Variants in ZMYND15 observed in about 807,000 individuals in gnomAD.
ZMYND15 encodes zinc finger MYND domain-containing protein 15.
In ZMYND15, 54 loss-of-function variants were observed where a neutral mutation model predicts 81.7. That is an observed-to-expected ratio of 0.66 (90% CI 0.53 to 0.83). The LOEUF (loss-of-function observed/expected upper bound fraction) is 0.83. Ranked by LOEUF, ZMYND15 falls within the 40% of genes least tolerant of loss-of-function variation. The pLI, the probability that ZMYND15 is intolerant of heterozygous loss-of-function variation, is 0.00. For missense variants in ZMYND15, 925 were observed against 973.5 expected (o/e 0.95, Z 0.66); for synonymous variants, 399 against 387.0 (o/e 1.03, Z -0.36).
Position 4,743,593 on chromosome 17 carries a change from A to G in ZMYND15, c.1297+138A>G. The stretch of plus-strand genomic sequence containing the variant: ...ACCAGGGCCATTTCAGGCCTTTCCC[A>G]GCCCTCAATGGAATCACCCCTACCA... On this transcript the variant is annotated intron_variant, in intron 6 of 13. Coordinates refer to ENST00000433935, the MANE Select transcript of ZMYND15 (RefSeq NM_001136046.3). This position sits in a 1 kb window ranked among gnomAD's most constrained non-coding sequence, Gnocchi z 4.3. 1 of 1,378,320 alleles carries G rather than the reference A, an allele frequency of 7.3e-7. No homozygotes were observed. The allele number at this position is 1,378,320 out of a possible 1,614,324, so 85.4% of individuals were successfully genotyped here.
chr17:4,745,460 C>A lies in ZMYND15; in HGVS notation c.2057+85C>A. On this transcript the variant is annotated intron_variant, in intron 13 of 13. Coordinates refer to ENST00000433935, the MANE Select transcript of ZMYND15 (RefSeq NM_001136046.3). This position sits in a 1 kb window ranked among gnomAD's most constrained non-coding sequence, Gnocchi z 5.2. ...ACATCCTCGAAGGCCCACCTCTACC[C>A]TAGTCCCTGCTGTCCTGGGGCCCTC... The A allele has an allele frequency of 2.7e-6, 4 of 1,486,398 alleles. No individual in the cohort carries two copies. The highest frequency in any genetic ancestry group is 1.3e-5 in the South Asian group (1 of 75,206). 92.1% of individuals were successfully genotyped at this position (1,486,398 alleles called of 1,614,324 possible).
chr17:4,740,055 C>T lies in ZMYND15; in HGVS notation c.-31+5C>T, dbSNP rs989458246. Reference sequence around the variant, plus strand: ...GAAAAGTGGTGGCGGCTGCAGGTACCGGAGGAGTGGGGCGGCCGGGAGGGG... The same window carrying T: ...GAAAAGTGGTGGCGGCTGCAGGTACTGGAGGAGTGGGGCGGCCGGGAGGGG... On this transcript the variant is annotated splice_donor_5th_base_variant and intron_variant, in intron 1 of 13. Coordinates refer to ENST00000433935, the MANE Select transcript of ZMYND15 (RefSeq NM_001136046.3). The T allele has an allele frequency of 5.1e-6, 5 of 985,780 alleles. No homozygotes were observed. In the African/African-American group the frequency reaches 8.7e-5, roughly 17 times the overall value. The allele number at this position is 985,780 out of a possible 1,614,324, so 61.1% of individuals were successfully genotyped here. A position where few individuals can be genotyped will look rare whatever the true frequency, so the allele number is the denominator to read the frequency against.
At position 4,744,752 on chromosome 17, in the gene ZMYND15, A is replaced by G. The variant is rs1567699861; in HGVS notation, c.1811A>G (p.Gln604Arg). ...KVSARPYHLFQGPKPDLVIGF... is the reference protein window; with the variant it reads ...KVSARPYHLFRGPKPDLVIGF... The stretch of plus-strand genomic sequence containing the variant: ...TCAGCAAGGCCCTACCACCTGTTCC[A>G]GGGGCCCAAGCCTGACCTGGTTATT... The change falls in exon 11 of 14, where the codon CAG becomes CGG. Residue 604 changes from glutamine to arginine, a missense_variant. Gln to Arg is a conservative substitution (Grantham distance 43). Transcript: ENST00000433935. The surrounding 1 kb of genome is among the most constrained non-coding windows in gnomAD (Gnocchi z 4.1). 2.5e-6 allele frequency: 4 copies of G among 1,614,138 alleles called. No homozygotes were observed. Among genetic ancestry groups the G allele is most frequent in the Non-Finnish European group, 3.4e-6 (4 of 1,180,002 alleles).
chr17:4,740,195 C>G (rs1004592174), intron 1 of ZMYND15, 145 bp downstream of exon 1: 27 of 609,884 alleles, frequency 4.4e-5, no homozygotes, highest in Non-Finnish European at 5.4e-5. Flanking sequence ...AAACCGTTCC[C>G]GATAGGATTA....
In ZMYND15 at chr17:4,744,458, C is replaced by T. The variant is rs536217417; in HGVS notation, c.1674C>T (p.Thr558=). ...CCGAAAGCGACGAGCAGCATTTTAC[C>T]CTGCAGAGGGTGAGGGCTGAGGGGG... is the stretch of plus-strand genomic sequence containing the variant. ...LPPESDEQHF[T]LQRDSLEVSV... The change falls in exon 10 of 14, where the codon ACC becomes ACT. Residue 558 remains threonine (T), a synonymous_variant. Coordinates refer to ENST00000433935, the MANE Select transcript of ZMYND15 (RefSeq NM_001136046.3). This position sits in a 1 kb window ranked among gnomAD's most constrained non-coding sequence, Gnocchi z 4.1. 6.2e-7 allele frequency: 1 copy of T among 1,614,056 alleles called. No homozygotes were observed. The highest frequency in any genetic ancestry group is 2.2e-5 in the East Asian group (1 of 44,878).
At position 4,743,416 on chromosome 17, in the gene ZMYND15, C is replaced by T. The variant is rs769550403; in HGVS notation, c.1258C>T (p.Pro420Ser). 1.1e-5 allele frequency: 17 copies of T among 1,609,374 alleles called. No individual in the cohort carries two copies. Among genetic ancestry groups the T allele is most frequent in the South Asian group, 5.5e-5 (5 of 91,084 alleles). ...LIPGPGFSRH[P>S]RGNTPSLSLL... ...TCCAGGCCCGGGCTTCTCCAGACAC[C>T]CCCGAGGCAACACGCCATCCCTCAG... Residue 420 changes from proline to serine, a missense_variant, in exon 6 of 14, where the codon CCC becomes TCC. Coordinates refer to ENST00000433935, the MANE Select transcript of ZMYND15 (RefSeq NM_001136046.3). The surrounding 1 kb of genome is among the most constrained non-coding windows in gnomAD (Gnocchi z 4.3).
At position 4,743,232 on chromosome 17, in the gene ZMYND15, CTG is replaced by C. The variant is rs1236754927; in HGVS notation, c.1145-69_1145-68del. Reference sequence around the variant, plus strand: ...CTAGCTTGGGTGATAGAGCAAGACTCTGTCTCAAAAAAAAAAAAATGTCTGGG... The same window carrying C: ...CTAGCTTGGGTGATAGAGCAAGACTCTCTCAAAAAAAAAAAAATGTCTGGG... On this transcript the variant is annotated intron_variant, in intron 5 of 13. Coordinates refer to ENST00000433935, the MANE Select transcript of ZMYND15 (RefSeq NM_001136046.3). This position sits in a 1 kb window ranked among gnomAD's most constrained non-coding sequence, Gnocchi z 4.3. The C allele has an allele frequency of 7.0e-7, 1 of 1,427,678 alleles. No individual in the cohort carries two copies. The highest frequency in any genetic ancestry group is 1.5e-5 in the African/African-American group (1 of 67,416). 88.4% of individuals were successfully genotyped at this position (1,427,678 alleles called of 1,614,324 possible).
Position 4,741,578 on chromosome 17 carries a change from C to T in ZMYND15, c.593-4C>T. 6.2e-7 allele frequency: 1 copy of T among 1,613,898 alleles called. No individual in the cohort carries two copies. The highest frequency in any genetic ancestry group is 1.6e-4 in the Middle Eastern group (1 of 6,062). ...ACCACCTCAACTTTTCCCTCTTTCC[C>T]CAGAGGCTGCCCCCCTGCACGTTTC... On this transcript the variant is annotated splice_region_variant and splice_polypyrimidine_tract_variant and intron_variant, in intron 2 of 13. Coordinates refer to ENST00000433935, the MANE Select transcript of ZMYND15 (RefSeq NM_001136046.3).
Position 4,744,687 on chromosome 17 carries a change from T to C in ZMYND15, c.1746T>C (p.Thr582=). 1 of 1,613,956 alleles carries C rather than the reference T, an allele frequency of 6.2e-7. No individual in the cohort carries two copies. The highest frequency in any genetic ancestry group is 8.5e-7 in the Non-Finnish European group (1 of 1,179,994). ...TATCAGCACGGCCCAGCTCTGGCAC[T>C]AAGGAGAAAGGGGGCCGCAGGGACC... is the stretch of plus-strand genomic sequence containing the variant. ...SGISARPSSG[T]KEKGGRRDLQ... is the part of the protein sequence containing the mutation. The change falls in exon 11 of 14, where the codon ACT becomes ACC. Residue 582 remains threonine (T), a synonymous_variant. Transcript: ENST00000433935. The surrounding 1 kb of genome is among the most constrained non-coding windows in gnomAD (Gnocchi z 4.1).
At position 4,744,512 on chromosome 17, in the gene ZMYND15, T is replaced by G. The variant is rs763597468; in HGVS notation, c.1683+45T>G. The G allele has an allele frequency of 1.2e-6, 2 of 1,611,192 alleles. No homozygotes were observed. Among genetic ancestry groups the G allele is most frequent in the Admixed American group, 3.3e-5 (2 of 59,930 alleles). On this transcript the variant is annotated intron_variant, in intron 10 of 13. Coordinates refer to ENST00000433935, the MANE Select transcript of ZMYND15 (RefSeq NM_001136046.3). This position sits in a 1 kb window ranked among gnomAD's most constrained non-coding sequence, Gnocchi z 4.1. ...TGCTTTTCAGCCCTGACCCCTCCAG[T>G]GACCTCCTGGTTGGGTCCTGCCCTT...
chr17:4,743,570 C>A lies in ZMYND15; in HGVS notation c.1297+115C>A. 1 of 1,475,966 alleles carries A rather than the reference C, an allele frequency of 6.8e-7. No homozygotes were observed. The highest frequency in any genetic ancestry group is 9.1e-7 in the Non-Finnish European group (1 of 1,095,322). 91.4% of individuals were successfully genotyped at this position (1,475,966 alleles called of 1,614,324 possible). A position where few individuals can be genotyped will look rare whatever the true frequency, so the allele number is the denominator to read the frequency against. On this transcript the variant is annotated intron_variant, in intron 6 of 13. Coordinates refer to ENST00000433935, the MANE Select transcript of ZMYND15 (RefSeq NM_001136046.3). This position sits in a 1 kb window ranked among gnomAD's most constrained non-coding sequence, Gnocchi z 4.3. ...ACACACTGACCCCTACCAACAGCAC[C>A]AGGGCCATTTCAGGCCTTTCCCAGC... is the stretch of plus-strand genomic sequence containing the variant.
In ZMYND15 at chr17:4,740,638, A is replaced by T. The variant is rs749762240; in HGVS notation, c.90A>T (p.Gly30=). 2 of 1,614,020 alleles carry T rather than the reference A, an allele frequency of 1.2e-6. No individual in the cohort carries two copies. Among genetic ancestry groups the T allele is most frequent in the South Asian group, 2.2e-5 (2 of 91,086 alleles). Residue 30 remains glycine (G), a synonymous_variant, in exon 2 of 14, where the codon GGA becomes GGT. Transcript: ENST00000433935. ...GWFRKFVAER[G]AVGTSLEGRC... is the part of the protein sequence containing the mutation. Reference sequence around the variant, plus strand: ...TCCGAAAGTTTGTGGCAGAGCGTGGAGCTGTAGGGACTAGCCTTGAGGGCC... The same window carrying T: ...TCCGAAAGTTTGTGGCAGAGCGTGGTGCTGTAGGGACTAGCCTTGAGGGCC...
Position 4,744,233 on chromosome 17 carries a change from C to T in ZMYND15, c.1539C>T (p.His513=), listed in dbSNP as rs769713395. ...NIQNKQSLKI[H]VVEAGKEFDL... ...AAAACAAACAGTCACTGAAGATCCA[C>T]GTGGTGGAGGCCGGGAAGGAGTTTG... The change falls in exon 9 of 14, where the codon CAC becomes CAT. Residue 513 remains histidine (H), a synonymous_variant. Coordinates refer to ENST00000433935, the MANE Select transcript of ZMYND15 (RefSeq NM_001136046.3). This position sits in a 1 kb window ranked among gnomAD's most constrained non-coding sequence, Gnocchi z 4.1. 16 of 1,613,944 alleles carry T rather than the reference C, an allele frequency of 9.9e-6. No individual in the cohort carries two copies. The highest frequency in any genetic ancestry group is 1.7e-5 in the Admixed American group (1 of 59,980).
rs929031214 is a variant in ZMYND15 at position 4,741,279 on chromosome 17, G to T, written c.592+139G>T. ...GGTGTTTTTATTGACCCACAGTGGG[G>T]TTTTTTTTTTTAATTTAATGTTTAA... On this transcript the variant is annotated intron_variant, in intron 2 of 13. Transcript: ENST00000433935. The T allele has an allele frequency of 2.5e-4, 195 of 789,912 alleles. 1 individual carries two copies. The highest frequency in any genetic ancestry group is 7.0e-4 in the Admixed American group (16 of 22,964). 48.9% of individuals were successfully genotyped at this position (789,912 alleles called of 1,614,324 possible). A position where few individuals can be genotyped will look rare whatever the true frequency, so the allele number is the denominator to read the frequency against.
intron 2 of ZMYND15, 137 bp from the exon 3 acceptor site, chr17:4,741,445 G>T: frequency 1.1e-6 from 1 of 948,746 alleles, no homozygotes; most frequent in Non-Finnish European, 1.6e-6. Flanking sequence ...GAAGGAGCGT[G>T]CCCTCTCTAC....
chr17:4,742,940 C>T (rs774976868), intron 5 of ZMYND15, among the ~76,000 whole-genome samples: 7 of 151,982 alleles, frequency 4.6e-5, no homozygotes, highest in Non-Finnish European at 1.0e-4. Flanking sequence ...CCAGGGTCCT[C>T]GCGGGAGGCT....
Position 4,744,674 on chromosome 17 carries a change from C to T in ZMYND15, c.1733C>T (p.Pro578Leu). 1 of 1,613,744 alleles carries T rather than the reference C, an allele frequency of 6.2e-7. No homozygotes were observed. Among genetic ancestry groups the T allele is most frequent in the Non-Finnish European group, 8.5e-7 (1 of 1,180,002 alleles). Reference protein sequence around the residue: ...VRPGSGISARPSSGTKEKGGR... With the variant: ...VRPGSGISARLSSGTKEKGGR... ...CCTGGTTCCGGCATATCAGCACGGC[C>T]CAGCTCTGGCACTAAGGAGAAAGGG... Residue 578 changes from proline (P) to leucine (L), a missense_variant, in exon 11 of 14, where the codon CCC becomes CTC. Coordinates refer to ENST00000433935, the MANE Select transcript of ZMYND15 (RefSeq NM_001136046.3). This position sits in a 1 kb window ranked among gnomAD's most constrained non-coding sequence, Gnocchi z 4.1.
chr17:4,743,092 T>C lies in ZMYND15; in HGVS notation c.1145-211T>C, dbSNP rs1476249766. Among the ~76,000 whole-genome samples the C allele has an allele frequency of 1.3e-5, 2 of 151,754 alleles. No homozygotes were observed. The highest frequency in any genetic ancestry group is 4.8e-5 in the African/African-American group (2 of 41,264). On this transcript the variant is annotated intron_variant, in intron 5 of 13. Coordinates refer to ENST00000433935, the MANE Select transcript of ZMYND15 (RefSeq NM_001136046.3). This position sits in a 1 kb window ranked among gnomAD's most constrained non-coding sequence, Gnocchi z 4.3. Reference sequence around the variant, plus strand: ...CTGTCTCTACAAAAAATAGAAAAAATTAGTCAGGCATGGTGCACTCGCTTG... The same window carrying C: ...CTGTCTCTACAAAAAATAGAAAAAACTAGTCAGGCATGGTGCACTCGCTTG...
At position 4,745,524 on chromosome 17, in the gene ZMYND15, T is replaced by G. The variant is rs562534666; in HGVS notation, c.2057+149T>G. ...AGCAACCTGCCTTCTCTGTCCCCAC[T>G]ACTCGTCGCCCCCATGGGAGGTCTC... On this transcript the variant is annotated intron_variant, in intron 13 of 13. Coordinates refer to ENST00000433935, the MANE Select transcript of ZMYND15 (RefSeq NM_001136046.3). This position sits in a 1 kb window ranked among gnomAD's most constrained non-coding sequence, Gnocchi z 5.2. 2.9e-3 allele frequency: 2,634 copies of G among 913,678 alleles called. 14 individuals are homozygous for G. Among genetic ancestry groups the G allele is most frequent in the Non-Finnish European group, 3.0e-3 (1,870 of 619,238 alleles). 56.6% of individuals were successfully genotyped at this position (913,678 alleles called of 1,614,324 possible). A position where few individuals can be genotyped will look rare whatever the true frequency, so the allele number is the denominator to read the frequency against.
Sources: gnomAD v4.1 joint callset for allele counts (sites outside exome capture counted in the v4.1 genomes callset) on GRCh38, gnomAD v4.1.1 for gene constraint, Gnocchi (gnomAD v3.1) non-coding constraint, MANE v1.5 for transcripts, NCBI Gene and HGNC (gene_info 2026-07-23, HGNC 2026-07-21) for gene names.